Variants in ERBB4 observed in about 807,000 individuals in gnomAD.
ERBB4 encodes receptor tyrosine-protein kinase erbB-4.
Under a neutral mutation model 158.0 loss-of-function variants are expected in ERBB4, and 42 were observed. The observed-to-expected ratio is 0.27, with a 90% CI of 0.21 to 0.34. The LOEUF (loss-of-function observed/expected upper bound fraction) is 0.34, where lower values mean the gene tolerates loss of function less well. Among genes scored for constraint, ERBB4 ranks in the 10% least tolerant of loss-of-function variants. The pLI is 1.00. For synonymous variants in ERBB4, 583 were observed against 558.7 expected, an observed-to-expected ratio of 1.04 and a Z score of -0.61; for missense variants, 1,333 against 1,624.1, an observed-to-expected ratio of 0.82 and a Z score of 3.08.
At chr2:211,740,989 A>T (rs2074776541) in intron 5 of ERBB4, among the ~76,000 whole-genome samples, 1 of 152,222 alleles carries the variant, frequency 6.6e-6, no homozygotes, top group Admixed American at 6.5e-5. Context: ...GCAAAACTTT[A>T]AGGAGAATAT....
intron 1 of ERBB4, among the ~76,000 whole-genome samples, chr2:212,485,836 AAAGGTGC>A (rs1689944835): frequency 6.6e-6 from 1 of 152,106 alleles, no homozygotes; most frequent in South Asian, 2.1e-4. Flanking sequence ...TCACATGCTG[AAAGGTGC>A]AAGGTACCTC....
At chr2:211,785,125 C>T (rs1170527566) in intron 4 of ERBB4, among the ~76,000 whole-genome samples, 5 of 141,172 alleles carry the variant, frequency 3.5e-5, no homozygotes, top group African/African-American at 1.1e-4. Flanking sequence ...TTTTTTGAGA[C>T]GGAGTCTCAC....
intron 20 of ERBB4, among the ~76,000 whole-genome samples, chr2:211,502,616 T>G (rs2065644988): frequency 6.6e-6 from 1 of 152,168 alleles, no homozygotes; most frequent in Non-Finnish European, 1.5e-5. Context: ...CTTAGAGAGT[T>G]CTACTGTGTT....
chr2:211,514,885 T>C (rs371773912), intron 20 of ERBB4, among the ~76,000 whole-genome samples: 36 of 152,300 alleles, frequency 2.4e-4, no homozygotes, highest in African/African-American at 7.9e-4. Flanking sequence ...TTTCAAGTTT[T>C]GCAGCATTTT....
At chr2:212,141,512 A>G (rs2080476780) in intron 1 of ERBB4, among the ~76,000 whole-genome samples, 1 of 151,764 alleles carries the variant, frequency 6.6e-6, no homozygotes, top group South Asian at 2.1e-4. Flanking sequence ...ACTATTTTTA[A>G]GATAGATTTT....
chr2:211,673,842 T>C (rs2071948344), intron 13 of ERBB4, among the ~76,000 whole-genome samples: 1 of 140,476 alleles, frequency 7.1e-6, no homozygotes, highest in African/African-American at 2.5e-5. Flanking sequence ...TTCATTTTCT[T>C]ATATTATTGA....
chr2:211,909,813 G>A (rs1450513728), intron 3 of ERBB4, among the ~76,000 whole-genome samples: 1 of 151,804 alleles, frequency 6.6e-6, no homozygotes, highest in African/African-American at 2.4e-5. Flanking sequence ...TCGATGTGAG[G>A]AGAAGATAAC....
intron 20 of ERBB4, among the ~76,000 whole-genome samples, chr2:211,550,707 A>AATATAT (rs139062710): frequency 2.1e-4 from 29 of 137,144 alleles, no homozygotes; most frequent in South Asian, 4.7e-4. Flanking sequence ...TATATATAGG[A>AATATAT]ATATATATAT....
intron 1 of ERBB4, among the ~76,000 whole-genome samples, chr2:212,247,134 C>T (rs1044387874): frequency 1.1e-4 from 17 of 152,022 alleles, no homozygotes; most frequent in Non-Finnish European, 2.4e-4. Context: ...TGAGAAAAGG[C>T]AAAATAGAGA....
intron 1 of ERBB4, among the ~76,000 whole-genome samples, chr2:212,144,851 A>G (rs1008637000): frequency 1.3e-5 from 2 of 152,242 alleles, no homozygotes; most frequent in Non-Finnish European, 2.9e-5. Context: ...ACAGTATAAT[A>G]AAATTAAGAG....
intron 2 of ERBB4, among the ~76,000 whole-genome samples, chr2:212,038,245 T>C (rs2077059497): frequency 6.6e-6 from 1 of 152,022 alleles, no homozygotes; most frequent in South Asian, 2.1e-4. Context: ...TAATCTATTA[T>C]ATATTAGTCT....
At chr2:211,413,123 A>ATGTC (rs1286578645) in intron 25 of ERBB4, among the ~76,000 whole-genome samples, 1 of 151,652 alleles carries the variant, frequency 6.6e-6, no homozygotes, top group Non-Finnish European at 1.5e-5. Flanking sequence ...CAGTGAGACC[A>ATGTC]TGTCTTCACA....
intron 1 of ERBB4, among the ~76,000 whole-genome samples, chr2:212,449,517 T>A (rs1198818204): frequency 6.6e-6 from 1 of 152,148 alleles, no homozygotes; most frequent in Non-Finnish European, 1.5e-5. Context: ...CTTTCCCCAA[T>A]AAGATGATAA....
At chr2:211,568,801 C>G (rs1199119277) in intron 19 of ERBB4, among the ~76,000 whole-genome samples, 2 of 152,030 alleles carry the variant, frequency 1.3e-5, no homozygotes, top group Admixed American at 1.3e-4. Flanking sequence ...AGTGAGAGTG[C>G]TAGTGATGAA....
At chr2:212,017,331 G>A (rs2076551595) in intron 2 of ERBB4, among the ~76,000 whole-genome samples, 1 of 151,998 alleles carries the variant, frequency 6.6e-6, no homozygotes, top group Admixed American at 6.6e-5. Flanking sequence ...TGTGCAAGTG[G>A]CTTTGAGAGA....
intron 3 of ERBB4, among the ~76,000 whole-genome samples, chr2:211,845,332 G>A (rs1242425226): frequency 6.6e-6 from 1 of 151,532 alleles, no homozygotes; most frequent in Non-Finnish European, 1.5e-5. Context: ...AGGTAGCCAA[G>A]GTTAAGAACT....
chr2:212,467,900 G>A (rs1488259513), intron 1 of ERBB4, among the ~76,000 whole-genome samples: 1 of 152,200 alleles, frequency 6.6e-6, no homozygotes, highest in South Asian at 2.1e-4. Flanking sequence ...TAAGGGCAGA[G>A]CTGTTCAAGA....
chr2:211,522,240 A>G (rs1487769282), intron 20 of ERBB4, among the ~76,000 whole-genome samples: 1 of 152,176 alleles, frequency 6.6e-6, no homozygotes, highest in African/African-American at 2.4e-5. Context: ...AGCAACATTA[A>G]CAGGACTTTG....
intron 2 of ERBB4, among the ~76,000 whole-genome samples, chr2:212,117,136 T>C (rs1279907119): frequency 6.6e-6 from 1 of 152,208 alleles, no homozygotes; most frequent in Non-Finnish European, 1.5e-5. Flanking sequence ...ACCCAAAATG[T>C]CTGCTTTGGC....
Sources: gnomAD v4.1 joint callset for allele counts (sites outside exome capture counted in the v4.1 genomes callset) on GRCh38, gnomAD v4.1.1 for gene constraint, MANE v1.5 for transcripts, NCBI Gene and HGNC (gene_info 2026-07-23, HGNC 2026-07-21) for gene names.